GMPR: variants seen among roughly 807,000 people sequenced by gnomAD.
GMPR encodes the protein guanosine monophosphate reductase.
A neutral mutation model predicts 38.4 loss-of-function variants in GMPR; 31 were observed. That is an observed-to-expected ratio of 0.81 (90% CI 0.61 to 1.09). The LOEUF (loss-of-function observed/expected upper bound fraction) is 1.09, where lower values mean the gene tolerates loss of function less well. Among genes scored for constraint, GMPR ranks in the 50% least tolerant of loss-of-function variants. The pLI, the probability that GMPR is intolerant of heterozygous loss-of-function variation, is 0.00. For missense variants in GMPR, 468 were observed against 453.7 expected (o/e 1.03, Z -0.29); for synonymous variants, 162 against 173.3 (o/e 0.93, Z 0.51).
At chr6:16,269,511 G>A (rs1759339828) in intron 4 of GMPR, among the ~76,000 whole-genome samples, 1 of 152,132 alleles carries the variant, frequency 6.6e-6, no homozygotes, top group Non-Finnish European at 1.5e-5. Context: ...AAAATCAGAA[G>A]TTGGCCTGGT....
chr6:16,289,330 T>G (rs1176421114), intron 7 of GMPR, among the ~76,000 whole-genome samples: 1 of 152,228 alleles, frequency 6.6e-6, no homozygotes, highest in East Asian at 1.9e-4. Flanking sequence ...TAGCAGTTCC[T>G]TAGTTAATAG....
intron 5 of GMPR, among the ~76,000 whole-genome samples, chr6:16,277,528 A>C (rs1759493719): frequency 1.3e-5 from 2 of 152,166 alleles, no homozygotes; most frequent in Admixed American, 1.3e-4. Context: ...GGCAGTGGAG[A>C]CAGGGATGTG....
chr6:16,278,151 G>A (rs1165714628), intron 5 of GMPR, among the ~76,000 whole-genome samples: 1 of 152,072 alleles, frequency 6.6e-6, no homozygotes, highest in Admixed American at 6.5e-5. Flanking sequence ...GGAGGGAGAT[G>A]GACAAACAGC....
chr6:16,247,632 A>T lies in GMPR; in HGVS notation c.207+671A>T, dbSNP rs973136337. Among the ~76,000 whole-genome samples, 3 of 152,082 alleles carry T rather than the reference A, an allele frequency of 2.0e-5. No individual in the cohort carries two copies. The South Asian group carries it at 6.2e-4, about 32-fold the overall frequency. On this transcript the variant is annotated intron_variant, in intron 2 of 8. Transcript: ENST00000259727. The stretch of plus-strand genomic sequence containing the variant: ...TCAGGTGATCCGCCTGCCTTGGCCT[A>T]CCCAAGTGCTGGGATTACAGGCATG...
chr6:16,262,546 G>C (rs934567039), intron 4 of GMPR: 4 of 151,982 alleles, frequency 2.6e-5, no homozygotes, highest in Non-Finnish European at 5.9e-5. Flanking sequence ...ATGTGGCTGG[G>C]GTTTGTCTCA....
chr6:16,244,362 A>G (rs1581644770), intron 1 of GMPR, among the ~76,000 whole-genome samples: 1 of 151,824 alleles, frequency 6.6e-6, no homozygotes, highest in South Asian at 2.1e-4. Flanking sequence ...ACAGGCTCGC[A>G]CCACCCAAGC....
chr6:16,243,702 A>C (rs1031302291), intron 1 of GMPR, among the ~76,000 whole-genome samples: 2 of 152,190 alleles, frequency 1.3e-5, no homozygotes, highest in Admixed American at 6.5e-5. Context: ...CCTGGGTCCC[A>C]CGTCTGCCCC....
intron 2 of GMPR, among the ~76,000 whole-genome samples, chr6:16,247,813 G>A (rs1269632385): frequency 6.6e-6 from 1 of 152,136 alleles, no homozygotes; most frequent in African/African-American, 2.4e-5. Context: ...CAGGATTCCA[G>A]CTGAAACTGA....
At chr6:16,288,255 G>A (rs748282593) in intron 7 of GMPR, among the ~76,000 whole-genome samples, 42 of 152,262 alleles carry the variant, frequency 2.8e-4, no homozygotes, top group Non-Finnish European at 5.0e-4. Flanking sequence ...AGGTGTGGAG[G>A]GAGAGGCGCG....
chr6:16,294,122 T>C (rs1347523705), intron 8 of GMPR, among the ~76,000 whole-genome samples: 1 of 152,188 alleles, frequency 6.6e-6, no homozygotes, highest in Non-Finnish European at 1.5e-5. Context: ...GAAATGTTGC[T>C]TAGTGTTCAT....
At chr6:16,265,848 C>CT (rs1311597868) in intron 4 of GMPR, among the ~76,000 whole-genome samples, 1 of 152,128 alleles carries the variant, frequency 6.6e-6, no homozygotes, top group Non-Finnish European at 1.5e-5. Flanking sequence ...CGTTCGCTTG[C>CT]TGCTGCTCGC....
chr6:16,276,948 T>C (rs1759483085), intron 5 of GMPR, among the ~76,000 whole-genome samples: 1 of 152,164 alleles, frequency 6.6e-6, no homozygotes, highest in African/African-American at 2.4e-5. Flanking sequence ...CTTGGCTGTT[T>C]CCAAGAAAGG....
chr6:16,254,782 G>A, intron 4 of GMPR, 47 bp downstream of exon 4: 1 of 1,389,822 alleles, frequency 7.2e-7, no homozygotes, highest in Non-Finnish European at 1.0e-6. Context: ...AGATGGGGAA[G>A]CCACGAGGGA....
chr6:16,259,336 T>C (rs1372159022), intron 4 of GMPR: 2 of 151,970 alleles, frequency 1.3e-5, no homozygotes, highest in Non-Finnish European at 2.9e-5. Flanking sequence ...TGTGGTAGAA[T>C]GTCATCAGTT....
rs948637892 is a variant in GMPR, at chr6:16,243,549, A to G, written c.88-3293A>G. On this transcript the variant is annotated intron_variant, in intron 1 of 8. Coordinates refer to ENST00000259727, the MANE Select transcript of GMPR (RefSeq NM_006877.4). ...CCATGCTTTTTGAGCCACTAGGACT[A>G]CAAAGTTGGAAGACGTCCCTGTACT... Among the ~76,000 whole-genome samples the G allele has an allele frequency of 7.9e-5, 12 of 152,380 alleles. 1 individual carries two copies. The highest frequency in any genetic ancestry group is 4.6e-4 in the Admixed American group (7 of 15,306).
At chr6:16,241,048 T>A (rs1313794023) in intron 1 of GMPR, among the ~76,000 whole-genome samples, 1 of 152,176 alleles carries the variant, frequency 6.6e-6, no homozygotes, top group African/African-American at 2.4e-5. Context: ...TGCTTGTTGA[T>A]GCCTGAAATT....
At chr6:16,238,871 C>T in intron 1 of GMPR, 91 bp downstream of exon 1, 1 of 552,942 alleles carries the variant, frequency 1.8e-6, no homozygotes, top group Non-Finnish European at 3.0e-6. Flanking sequence ...ACCGGGTTAC[C>T]CTGCCTGCTT....
At chr6:16,262,972 G>A (rs1262913584) in intron 4 of GMPR, 1 of 152,016 alleles carries the variant, frequency 6.6e-6, no homozygotes, top group Non-Finnish European at 1.5e-5. Flanking sequence ...GAGGAGGGGA[G>A]GTGATAAAAG....
intron 3 of GMPR, among the ~76,000 whole-genome samples, chr6:16,253,846 A>C (rs1418445706): frequency 3.9e-5 from 6 of 152,098 alleles, no homozygotes; most frequent in Non-Finnish European, 7.4e-5. Context: ...TTCTTCCTGG[A>C]AACTTTTGGT....
Sources: gnomAD v4.1 joint callset for allele counts (sites outside exome capture counted in the v4.1 genomes callset) on GRCh38, gnomAD v4.1.1 for gene constraint, MANE v1.5 for transcripts, NCBI Gene and HGNC (gene_info 2026-07-23, HGNC 2026-07-21) for gene names.